The following MYO18B variants were observed in gnomAD, a reference collection of about 807,000 sequenced individuals.
The protein encoded by MYO18B is unconventional myosin-XVIIIb.
A neutral mutation model predicts 273.0 loss-of-function variants in MYO18B; 204 were observed. The observed-to-expected ratio is 0.75, with a 90% CI of 0.67 to 0.84. The LOEUF is 0.84. Ranked by LOEUF, MYO18B falls within the 40% of genes least tolerant of loss-of-function variation. The probability of loss-of-function intolerance (pLI) is 0.00; values close to 1 mark genes in which losing one functional copy is unlikely to be tolerated. For missense variants in MYO18B, 3,212 were observed against 3,287.6 expected (o/e 0.98, Z 0.56); for synonymous variants, 1,330 against 1,305.7 (o/e 1.02, Z -0.40).
At chr22:25,990,569 C>G (rs539221470) in intron 39 of MYO18B, among the ~76,000 whole-genome samples, 18 of 151,520 alleles carry the variant, frequency 1.2e-4, no homozygotes, top group African/African-American at 4.4e-4. Context: ...TGCCTGTAAT[C>G]CCATCTACTT....
intron 21 of MYO18B, among the ~76,000 whole-genome samples, chr22:25,863,377 T>C (rs192688208): frequency 1.3e-3 from 196 of 152,308 alleles, no homozygotes; most frequent in Non-Finnish European, 2.0e-3. Context: ...ATCATAATTT[T>C]ACGTTTATTG....
intron 12 of MYO18B, among the ~76,000 whole-genome samples, chr22:25,807,108 T>C (rs2088514258): frequency 6.6e-6 from 1 of 152,238 alleles, no homozygotes; most frequent in Non-Finnish European, 1.5e-5. Context: ...GTTAAACCCA[T>C]TTGGTGAGTG....
intron 40 of MYO18B, among the ~76,000 whole-genome samples, chr22:25,999,065 A>G (rs1481724712): frequency 1.3e-5 from 2 of 152,148 alleles, no homozygotes; most frequent in Admixed American, 6.5e-5. Context: ...CCTGTTTGGC[A>G]TATGTTATCC....
chr22:25,789,060 TCTCCTCCTCCTC>T (rs1248591466), intron 11 of MYO18B, among the ~76,000 whole-genome samples: 2 of 18,306 alleles, frequency 1.1e-4, no homozygotes, highest in Non-Finnish European at 9.4e-4. Flanking sequence ...TTCTTCTCTT[TCTCCTCCTCCTC>T]CTCCTTCTTC....
intron 24 of MYO18B, 110 bp downstream of exon 24, chr22:25,876,442 A>G: frequency 8.0e-7 from 1 of 1,252,306 alleles, no homozygotes; most frequent in Non-Finnish European, 1.1e-6. Flanking sequence ...TGATCTAGGA[A>G]TGCTCAGCCC....
chr22:26,040,818 G>A, the MYO18B span, among the ~76,000 whole-genome samples: 1 of 152,070 alleles, frequency 6.6e-6, no homozygotes, highest in African/African-American at 2.4e-5. Context: ...GGTGAGGAAT[G>A]GTGGACAAGA....
At chr22:25,829,593 C>T (rs1023456542) in intron 15 of MYO18B, among the ~76,000 whole-genome samples, 1 of 151,758 alleles carries the variant, frequency 6.6e-6, no homozygotes, top group Non-Finnish European at 1.5e-5. Context: ...AATCCCAGCA[C>T]TTTGGGAGCC....
intron 3 of MYO18B, among the ~76,000 whole-genome samples, chr22:25,764,902 A>AT (rs2086450899): frequency 6.6e-6 from 1 of 152,132 alleles, no homozygotes; most frequent in African/African-American, 2.4e-5. Context: ...AGGTCAAGTG[A>AT]TTTTCCCAAG....
intron 34 of MYO18B, among the ~76,000 whole-genome samples, chr22:25,938,193 C>T (rs1020701219): frequency 6.6e-6 from 1 of 152,210 alleles, no homozygotes; most frequent in Non-Finnish European, 1.5e-5. Context: ...CTCTCCACAC[C>T]TCATTCCATA....
intron 25 of MYO18B, among the ~76,000 whole-genome samples, chr22:25,882,181 C>T (rs915557917): frequency 1.3e-5 from 2 of 150,432 alleles, no homozygotes; most frequent in African/African-American, 2.5e-5. Context: ...CCCAGCTAGA[C>T]TGAAATCCCT....
chr22:25,909,349 G>T (rs2092111232), intron 32 of MYO18B, among the ~76,000 whole-genome samples: 1 of 152,138 alleles, frequency 6.6e-6, no homozygotes, highest in Non-Finnish European at 1.5e-5. Context: ...ATATAGTTTT[G>T]TTATTTTGTG....
chr22:25,874,232 T>C (rs1441926451), intron 22 of MYO18B, 54 bp from the exon 23 acceptor site: 7 of 1,591,822 alleles, frequency 4.4e-6, no homozygotes, highest in Non-Finnish European at 6.0e-6. Context: ...CACCCCCCCA[T>C]TGTAGACAGC....
At chr22:25,969,928 A>C (rs73414077) in intron 39 of MYO18B, among the ~76,000 whole-genome samples, 2,273 of 152,218 alleles carry the variant, frequency 0.015, 49 homozygotes, top group African/African-American at 0.047. Flanking sequence ...TCATCATCAT[A>C]ATAACCATCA....
At chr22:25,786,780 A>G (rs1169666056) in intron 11 of MYO18B, among the ~76,000 whole-genome samples, 1 of 152,234 alleles carries the variant, frequency 6.6e-6, no homozygotes, top group Non-Finnish European at 1.5e-5. Flanking sequence ...CACTTATCTG[A>G]TAAAGGATTT....
chr22:25,844,895 G>A (rs984144863), intron 18 of MYO18B, among the ~76,000 whole-genome samples: 2 of 152,210 alleles, frequency 1.3e-5, no homozygotes, highest in Non-Finnish European at 2.9e-5. Context: ...TCACCTGAGT[G>A]ACCGTGGGCA....
At chr22:25,760,771 G>A (rs1013481643) in intron 1 of MYO18B, among the ~76,000 whole-genome samples, 2 of 152,232 alleles carry the variant, frequency 1.3e-5, no homozygotes, top group Non-Finnish European at 2.9e-5. Context: ...GTGGGGCCAA[G>A]AGGAAGAATA....
intron 25 of MYO18B, among the ~76,000 whole-genome samples, chr22:25,883,000 G>A (rs908127138): frequency 5.3e-5 from 8 of 152,080 alleles, no homozygotes; most frequent in Non-Finnish European, 1.0e-4. Flanking sequence ...GGGCTAAAGC[G>A]AACCTCCTAC....
rs1011245217 is a variant in MYO18B, at chr22:25,846,073, C to T, written c.3369-27C>T. 12 of 1,490,160 alleles carry T rather than the reference C, an allele frequency of 8.1e-6. No homozygotes were observed. In the East Asian group the frequency reaches 3.0e-4, roughly 38 times the overall value. The allele number at this position is 1,490,160 out of a possible 1,614,324, so 92.3% of individuals were successfully genotyped here. On this transcript the variant is annotated intron_variant, in intron 18 of 43. Coordinates refer to ENST00000335473, the MANE Select transcript of MYO18B (RefSeq NM_032608.7). ...CTTTCCCAAGAACCTCCTAAAGCTC[C>T]TCTCTCTTTTCCCTCCTCCCCACCA...
At chr22:25,790,648 T>G (rs1294118222) in intron 11 of MYO18B, among the ~76,000 whole-genome samples, 1 of 152,248 alleles carries the variant, frequency 6.6e-6, no homozygotes, top group Non-Finnish European at 1.5e-5. Context: ...TGAACGAGCA[T>G]GCCCAACTCA....
Sources: allele counts gnomAD v4.1 joint callset (sites outside exome capture counted in the v4.1 genomes callset), GRCh38; gene constraint gnomAD v4.1.1; transcripts MANE v1.5; gene names NCBI Gene and HGNC (gene_info 2026-07-23, HGNC 2026-07-21).